The following ATM variants were observed in gnomAD, a reference collection of about 807,000 sequenced individuals.
ATM encodes the protein ATM serine/threonine kinase, also known as serine-protein kinase ATM.
ATM carries 308 observed loss-of-function variants against 387.0 expected under a neutral mutation model. That is an observed-to-expected ratio of 0.80 (90% CI 0.73 to 0.87). The LOEUF (loss-of-function observed/expected upper bound fraction) is 0.87, where lower values mean the gene tolerates loss of function less well. ATM is among the 40% of genes least tolerant of loss of function. The pLI, the probability that ATM is intolerant of heterozygous loss-of-function variation, is 0.00. For synonymous variants in ATM, 1,156 were observed against 1,187.3 expected (o/e 0.97, Z 0.54); for missense variants, 3,312 against 3,560.9 (o/e 0.93, Z 1.78).
chr11:108,256,513 G>T (rs1051229105), intron 14 of ATM, among the ~76,000 whole-genome samples, 173 bp downstream of exon 14: 7 of 152,012 alleles, frequency 4.6e-5, no homozygotes, highest in African/African-American at 1.7e-4. Flanking sequence ...TGTTTTAATT[G>T]TTTAATTTTT....
chr11:108,224,641 C>G (rs377100711), intron 1 of ATM: 5 of 152,128 alleles, frequency 3.3e-5, no homozygotes, highest in African/African-American at 9.7e-5. Context: ...AGTGTTGGTC[C>G]TCTAGCCCTT....
intron 19 of ATM, 31 bp downstream of exon 19, chr11:108,271,177 C>T (rs780922708): frequency 6.2e-6 from 10 of 1,612,668 alleles, no homozygotes; most frequent in African/African-American, 1.3e-5. Flanking sequence ...GTTATGTTCA[C>T]TTTAAAGTTA....
intron 33 of ATM, among the ~76,000 whole-genome samples, chr11:108,299,305 T>TTC (rs201402781): frequency 7.0e-6 from 1 of 142,252 alleles, no homozygotes; most frequent in African/African-American, 2.5e-5. Flanking sequence ...TTAAGGTTGA[T>TTC]TCTCTCTCTC....
chr11:108,279,649 G>T, intron 23 of ATM, 41 bp downstream of exon 23: 1 of 1,412,330 alleles, frequency 7.1e-7, no homozygotes. Context: ...TCATATGCTT[G>T]CTATGAATAT....
Position 108,250,856 on chromosome 11 carries a change from T to C in ATM, c.1391T>C (p.Leu464Ser). 1 of 1,614,170 alleles carries C rather than the reference T, an allele frequency of 6.2e-7. No individual in the cohort carries two copies. The highest frequency in any genetic ancestry group is 8.5e-7 in the Non-Finnish European group (1 of 1,180,024). Residue 464 changes from leucine to serine, a missense_variant, in exon 10 of 63, where the codon TTG becomes TCG. This residue lies in a region of ATM where 1,791 missense variants were observed against 1,804.5 expected (regional missense o/e 0.99). Transcript: ENST00000675843. ...YVLRCLTEVALCQDKRSNLES... is the reference protein window; with the variant it reads ...YVLRCLTEVASCQDKRSNLES... Reference sequence around the variant, plus strand: ...TTACGATGCCTTACGGAAGTTGCATTGTGTCAAGACAAGAGGTCAAACCTA... The same window carrying C: ...TTACGATGCCTTACGGAAGTTGCATCGTGTCAAGACAAGAGGTCAAACCTA...
intron 31 of ATM, 95 bp from the exon 32 acceptor site, chr11:108,294,832 A>G (rs936844498): frequency 1.1e-5 from 15 of 1,380,568 alleles, no homozygotes; most frequent in African/African-American, 1.4e-5. Flanking sequence ...GTCAGTGTCT[A>G]TAAATGGCAC....
Position 108,244,910 on chromosome 11 carries a change from T to A in ATM, c.785T>A (p.Leu262Ter), listed in dbSNP as rs864622163. The change falls in exon 7 of 63, where the codon TTG (leucine) becomes TAG (stop). Residue 262 changes from leucine to a stop codon, truncating the protein, a stop_gained. Coordinates refer to ENST00000675843, the MANE Select transcript of ATM (RefSeq NM_000051.4). LOFTEE classifies it high-confidence loss of function. ...TTAGGAGATGAAATTCTTCCCACTTTGCTTTATATTTGGACTCAACATAGG... is the reference window on the plus strand; with the variant it reads ...TTAGGAGATGAAATTCTTCCCACTTAGCTTTATATTTGGACTCAACATAGG... ...CELGDEILPT[L>*]LYIWTQHRLN... The A allele has an allele frequency of 6.2e-7, 1 of 1,613,754 alleles. No individual in the cohort carries two copies. The highest frequency in any genetic ancestry group is 1.1e-5 in the South Asian group (1 of 91,082).
In ATM at chr11:108,330,287, C is replaced by A. The variant is rs201314561; in HGVS notation, c.7381C>A (p.Arg2461Ser). 1 of 1,614,160 alleles carries A rather than the reference C, an allele frequency of 6.2e-7. No homozygotes were observed. Among genetic ancestry groups the A allele is most frequent in the South Asian group, 1.1e-5 (1 of 91,088 alleles). Reference sequence around the variant, plus strand: ...GCGTGCACTGAAAGAGGATCGTAAACGCTTCTTATGTAAAGCAGTTGAAAA... The same window carrying A: ...GCGTGCACTGAAAGAGGATCGTAAAAGCTTCTTATGTAAAGCAGTTGAAAA... ...ALRALKEDRK[R>S]FLCKAVENYI... The change falls in exon 50 of 63, where the codon CGC (arginine) becomes AGC (serine). Residue 2461 changes from arginine to serine, a missense_variant. Coordinates refer to ENST00000675843, the MANE Select transcript of ATM (RefSeq NM_000051.4).
chr11:108,366,844 T>C lies in ATM; in HGVS notation c.*1336T>C. 4.4e-6 allele frequency: 1 copy of C among 229,202 alleles called. No individual in the cohort carries two copies. The highest frequency in any genetic ancestry group is 8.7e-6 in the Non-Finnish European group (1 of 115,548). The allele number at this position is 229,202 out of a possible 1,614,324, so 14.2% of individuals were successfully genotyped here. The stretch of plus-strand genomic sequence containing the variant: ...CAGGGGTGGAAGGAGGTACATTTAA[T>C]TCCCACTGCCTGCCTTTGGCAAGCC... On this transcript the variant is annotated 3_prime_UTR_variant, in exon 63 of 63. Coordinates refer to ENST00000675843, the MANE Select transcript of ATM (RefSeq NM_000051.4).
At chr11:108,225,228 G>A (rs558068054) in intron 1 of ATM, 35 of 152,232 alleles carry the variant, frequency 2.3e-4, no homozygotes, top group African/African-American at 8.2e-4. Context: ...TGAGATTGAA[G>A]AAGTAAGAAG....
chr11:108,357,409 G>C (rs930932633), intron 61 of ATM, among the ~76,000 whole-genome samples: 23 of 152,346 alleles, frequency 1.5e-4, no homozygotes, highest in Admixed American at 6.5e-4. Context: ...GGTAAACAAA[G>C]CAGCCGGGAA....
chr11:108,279,221 G>C (rs2082097648), intron 22 of ATM, among the ~76,000 whole-genome samples: 1 of 152,180 alleles, frequency 6.6e-6, no homozygotes, highest in Non-Finnish European at 1.5e-5. Context: ...GTTCAGTGCT[G>C]TTCAAATTTG....
chr11:108,317,788 A>G (rs1326631809), intron 43 of ATM, among the ~76,000 whole-genome samples: 1 of 151,320 alleles, frequency 6.6e-6, no homozygotes, highest in Non-Finnish European at 1.5e-5. Context: ...TAAGATAGCA[A>G]TAAGCAGTTA....
chr11:108,325,250 T>A (rs961083093), intron 45 of ATM, 60 bp from the exon 46 acceptor site: 14 of 7,730 alleles, frequency 1.8e-3, no homozygotes, highest in Non-Finnish European at 5.9e-3. Context: ...ACTTACATAG[T>A]TTTTTTTTTT....
intron 16 of ATM, among the ~76,000 whole-genome samples, chr11:108,266,007 G>T (rs2081213355): frequency 6.6e-6 from 1 of 152,006 alleles, no homozygotes; most frequent in Non-Finnish European, 1.5e-5. Context: ...AGGATGTGGA[G>T]AAATAGGAAT....
intron 19 of ATM, 27 bp downstream of exon 19, chr11:108,271,173 T>A (rs2135549593): frequency 6.2e-7 from 1 of 1,613,758 alleles, no homozygotes; most frequent in East Asian, 2.2e-5. Flanking sequence ...TTATGTTATG[T>A]TCACTTTAAA....
intron 1 of ATM, chr11:108,227,136 T>G (rs965454726): frequency 6.3e-6 from 1 of 158,234 alleles, no homozygotes; most frequent in African/African-American, 2.4e-5. Flanking sequence ...TGCCTCAGCC[T>G]CCTGAGTAGC....
Position 108,325,302 on chromosome 11 carries a change from G to T in ATM, c.6573-8G>T, listed in dbSNP as rs1555118989. On this transcript the variant is annotated splice_region_variant and splice_polypyrimidine_tract_variant and intron_variant, in intron 45 of 62. Coordinates refer to ENST00000675843, the MANE Select transcript of ATM (RefSeq NM_000051.4). ...TTGCTTACATGAACTCTATGTCGTG[G>T]CATTCAGATCAGTCACACATAGACA... 7.3e-7 allele frequency: 1 copy of T among 1,374,508 alleles called. No homozygotes were observed. The highest frequency in any genetic ancestry group is 1.2e-5 in the South Asian group (1 of 85,136). The allele number at this position is 1,374,508 out of a possible 1,614,324, so 85.1% of individuals were successfully genotyped here. A position where few individuals can be genotyped will look rare whatever the true frequency, so the allele number is the denominator to read the frequency against.
intron 3 of ATM, among the ~76,000 whole-genome samples, 181 bp downstream of exon 3, chr11:108,228,069 A>G (rs2078835341): frequency 6.6e-6 from 1 of 152,200 alleles, no homozygotes; most frequent in Admixed American, 6.5e-5. Context: ...GGTTGTTCAT[A>G]TAGAAACTTA....
Sources: gnomAD v4.1 joint callset for allele counts (sites outside exome capture counted in the v4.1 genomes callset) on GRCh38, gnomAD v4.1.1 for gene constraint, gnomAD v4.1.1 regional missense constraint, MANE v1.5 for transcripts, NCBI Gene and HGNC (gene_info 2026-07-23, HGNC 2026-07-21) for gene names.